ACER1: variants seen among roughly 807,000 people sequenced by gnomAD.
ACER1 encodes the protein CTB-180A7.3.
In ACER1, 28 loss-of-function variants were observed where a neutral mutation model predicts 24.9. That is an observed-to-expected ratio of 1.13 (90% confidence interval 0.83 to 1.54). ACER1 has a LOEUF of 1.54. Ranked by LOEUF, ACER1 falls within the 40% of genes most tolerant of loss-of-function variation. The pLI is 0.00. For missense variants in ACER1, 352 were observed against 349.3 expected (o/e 1.01, Z -0.06); for synonymous variants, 132 against 131.4 (o/e 1.00, Z -0.03).
At chr19:6,315,703 T>A (rs777158473) in intron 1 of ACER1, among the ~76,000 whole-genome samples, 25 of 151,948 alleles carry the variant, frequency 1.6e-4, no homozygotes, top group Non-Finnish European at 3.5e-4. Context: ...TTTGTACAGA[T>A]GGGATTTGGC....
At chr19:6,327,468 G>C (rs893335627) in intron 1 of ACER1, among the ~76,000 whole-genome samples, 1 of 152,076 alleles carries the variant, frequency 6.6e-6, no homozygotes, top group African/African-American at 2.4e-5. Context: ...GGGAGGCTGA[G>C]GCAGGAGAAT....
chr19:6,339,207 T>A, the ACER1 span, among the ~76,000 whole-genome samples: 3 of 152,130 alleles, frequency 2.0e-5, no homozygotes, highest in Non-Finnish European at 4.4e-5. Context: ...GGGATTGATT[T>A]AGATTTTTAA....
At chr19:6,320,502 G>A (rs1227273774) in intron 1 of ACER1, among the ~76,000 whole-genome samples, 10 of 152,034 alleles carry the variant, frequency 6.6e-5, no homozygotes, top group Non-Finnish European at 7.4e-5. Flanking sequence ...TAGTAGAGAC[G>A]GGGTTTCGCT....
rs758340987 is a variant in ACER1, at chr19:6,307,266, G to A, written c.513C>T (p.His171=). 1.2e-6 allele frequency: 2 copies of A among 1,614,040 alleles called. No homozygotes were observed. The highest frequency in any genetic ancestry group is 2.2e-5 in the South Asian group (2 of 91,084). Residue 171 remains histidine (H), a synonymous_variant, in exon 5 of 6, where the codon CAC becomes CAT. Transcript: ENST00000301452. ...YRKTSNKELR[H]LIEVSVVLWA... ...ATAAAACCACGGAGACCTCAATCAG[G>A]TGCCGAAGCTCCTTATTGCTGGTCC...
intron 1 of ACER1, among the ~76,000 whole-genome samples, chr19:6,318,003 C>G (rs1468778088): frequency 6.6e-6 from 1 of 151,928 alleles, no homozygotes; most frequent in Non-Finnish European, 1.5e-5. Flanking sequence ...GATCCACTCA[C>G]CTCAGCCTCT....
the ACER1 span, among the ~76,000 whole-genome samples, chr19:6,341,617 G>C: frequency 1.2e-4 from 18 of 149,032 alleles, no homozygotes; most frequent in Non-Finnish European, 2.2e-4. Context: ...CTTTTGTTTT[G>C]TTTTGTTTTG....
At chr19:6,316,864 A>T (rs1375747593) in intron 1 of ACER1, among the ~76,000 whole-genome samples, 1 of 151,554 alleles carries the variant, frequency 6.6e-6, no homozygotes, top group Non-Finnish European at 1.5e-5. Flanking sequence ...CACACAATAC[A>T]TACATGTAAC....
At chr19:6,344,286 A>G in the ACER1 span, among the ~76,000 whole-genome samples, 1 of 150,946 alleles carries the variant, frequency 6.6e-6, no homozygotes, top group African/African-American at 2.4e-5. Flanking sequence ...ATATATAAAT[A>G]TATATATATT....
intron 1 of ACER1, among the ~76,000 whole-genome samples, chr19:6,330,734 G>A (rs749890412): frequency 3.3e-5 from 5 of 149,764 alleles, no homozygotes; most frequent in Admixed American, 6.6e-5. Flanking sequence ...TCTCAGCCTC[G>A]TAGGACCAAT....
In ACER1 at chr19:6,321,381, T is replaced by A. The variant is rs143615926; in HGVS notation, c.94-8882A>T. On this transcript the variant is annotated intron_variant, in intron 1 of 5. Transcript: ENST00000301452. ...GTCTTGAACTCCTGGCCTCAACTGA[T>A]CCACCTGTCTCAGCCTCCCAAAGTG... Among the ~76,000 whole-genome samples the A allele has an allele frequency of 4.4e-3, 664 of 152,310 alleles. 8 individuals carry two copies. The highest frequency in any genetic ancestry group is 0.015 in the African/African-American group (628 of 41,578).
At chr19:6,355,867 C>T in the ACER1 span, among the ~76,000 whole-genome samples, 360 of 149,164 alleles carry the variant, frequency 2.4e-3, 3 homozygotes, top group Non-Finnish European at 3.9e-3. Context: ...GCCCCCCGCC[C>T]GGCCAGCCGC....
the ACER1 span, among the ~76,000 whole-genome samples, chr19:6,344,764 G>A: frequency 6.6e-6 from 1 of 151,636 alleles, no homozygotes; most frequent in African/African-American, 2.4e-5. Context: ...TTATTTTGTT[G>A]TTTTTTTCTT....
chr19:6,346,632 T>C, the ACER1 span, among the ~76,000 whole-genome samples: 1 of 151,466 alleles, frequency 6.6e-6, no homozygotes, highest in East Asian at 1.9e-4. Flanking sequence ...CATCACACCT[T>C]GGCCTCCCAA....
At chr19:6,336,126 C>T (rs2091713436), upstream of ACER1, among the ~76,000 whole-genome samples, 2 of 151,994 alleles carry the variant, frequency 1.3e-5, no homozygotes, top group Non-Finnish European at 2.9e-5. Flanking sequence ...GTCTCGAACT[C>T]GTGACTTCTG....
the ACER1 span, among the ~76,000 whole-genome samples, chr19:6,356,154 G>C: frequency 6.6e-6 from 1 of 150,994 alleles, no homozygotes; most frequent in Admixed American, 6.6e-5. Context: ...TTGGGATCCT[G>C]TTGATCGGTG....
chr19:6,354,957 T>C, the ACER1 span, among the ~76,000 whole-genome samples: 23,993 of 151,806 alleles, frequency 0.16, 3,630 homozygotes, highest in African/African-American at 0.4. Flanking sequence ...CGAGTGCCTG[T>C]GATTGCAGGC....
chr19:6,311,604 A>AAGG lies in ACER1; in HGVS notation c.350+544_350+545insCCT, dbSNP rs1217017875. ...AAAGAAGAAGGAGGAGGCGGAGAAG[A>AAGG]AGAAGGAGAAGGAGAAGGAGGAGGA... On this transcript the variant is annotated intron_variant, in intron 3 of 5. Transcript: ENST00000301452. Among the ~76,000 whole-genome samples the AAGG allele has an allele frequency of 1.3e-4, 19 of 150,818 alleles. No homozygotes were observed. The East Asian group carries it at 2.3e-3, about 19-fold the overall frequency.
At position 6,312,388 on chromosome 19, in the gene ACER1, T is replaced by TG; in HGVS notation, c.204dup (p.Ile69HisfsTer33). 1 of 1,613,894 alleles carries TG rather than the reference T, an allele frequency of 6.2e-7. No individual in the cohort carries two copies. Among genetic ancestry groups the TG allele is most frequent in the Non-Finnish European group, 8.5e-7 (1 of 1,179,972 alleles). ...GACCTGAACCACACCTCCCTACCTATGATCATGAAGAGGACCCAGACAACG... is the reference window on the plus strand; with the variant it reads ...GACCTGAACCACACCTCCCTACCTATGGATCATGAAGAGGACCCAGACAACG... On this transcript the variant is annotated frameshift_variant, in exon 2 of 6. Transcript: ENST00000301452. LOFTEE classifies it high-confidence loss of function.
chr19:6,325,304 C>T (rs968072888), intron 1 of ACER1, among the ~76,000 whole-genome samples: 2 of 152,156 alleles, frequency 1.3e-5, no homozygotes, highest in Non-Finnish European at 2.9e-5. Flanking sequence ...GGGGAGACTC[C>T]CCCTGGGCTC....
Sources: allele counts gnomAD v4.1 joint callset (sites outside exome capture counted in the v4.1 genomes callset), GRCh38; gene constraint gnomAD v4.1.1; transcripts MANE v1.5; gene names NCBI Gene and HGNC (gene_info 2026-07-23, HGNC 2026-07-21).